SLC45A4: variants seen among roughly 807,000 people sequenced by gnomAD.
SLC45A4 encodes polyamine-transporter SLC45A4.
Under a neutral mutation model 63.7 loss-of-function variants are expected in SLC45A4, and 32 were observed. The ratio of observed to expected loss-of-function variants is 0.50; its 90% CI spans 0.38 to 0.67. SLC45A4 has a LOEUF of 0.67. Ranked by LOEUF, SLC45A4 falls within the 30% of genes least tolerant of loss-of-function variation. The pLI is 0.00. For missense variants in SLC45A4, 1,027 were observed against 1,157.7 expected (o/e 0.89, Z 1.64); for synonymous variants, 535 against 510.0 (o/e 1.05, Z -0.66).
At chr8:141,296,834 G>T (rs1830572231) in intron 1 of SLC45A4, among the ~76,000 whole-genome samples, 1 of 45,854 alleles carries the variant, frequency 2.2e-5, no homozygotes, top group Admixed American at 3.1e-4. Flanking sequence ...AGACTCCATT[G>T]CCAAAAAAAA....
chr8:141,282,934 G>C (rs1007941060), intron 1 of SLC45A4, among the ~76,000 whole-genome samples: 1 of 152,232 alleles, frequency 6.6e-6, no homozygotes, highest in African/African-American at 2.4e-5. Context: ...GCGGCCTCGT[G>C]CCTAGGCCAT....
At chr8:141,247,149 A>G (rs1037562203) in intron 2 of SLC45A4, among the ~76,000 whole-genome samples, 1 of 147,298 alleles carries the variant, frequency 6.8e-6, no homozygotes, top group Non-Finnish European at 1.5e-5. Context: ...CAAATTACCA[A>G]TATCAGGAAA....
At chr8:141,290,946 T>C (rs942449470) in intron 1 of SLC45A4, among the ~76,000 whole-genome samples, 3 of 152,234 alleles carry the variant, frequency 2.0e-5, no homozygotes, top group African/African-American at 7.2e-5. Context: ...CCTCCTGGGC[T>C]CAAGCGATTC....
chr8:141,276,948 G>A (rs893521447), intron 1 of SLC45A4, among the ~76,000 whole-genome samples: 1 of 152,106 alleles, frequency 6.6e-6, no homozygotes, highest in Admixed American at 6.5e-5. Context: ...ACGTCCCCCC[G>A]GCCTAAGCAC....
chr8:141,218,829 C>A lies in SLC45A4; in HGVS notation c.811G>T (p.Ala271Ser), dbSNP rs756143827. 1.9e-5 allele frequency: 31 copies of A among 1,613,090 alleles called. No individual in the cohort carries two copies. The East Asian group carries it at 6.7e-4, about 35-fold the overall frequency. The change falls in exon 5 of 9, where the codon GCC (alanine) becomes TCC (serine). Residue 271 changes from alanine (A) to serine (S), a missense_variant. By Grantham distance (99) the Ala-to-Ser change is moderately conservative (BLOSUM62 1). Transcript: ENST00000517878. ...CCGTGCGGCTCGCCCCCATCCAGGGCGCCGGGCTCCTCAGCGCTGCGCTCC... is the reference window on the plus strand; with the variant it reads ...CCGTGCGGCTCGCCCCCATCCAGGGAGCCGGGCTCCTCAGCGCTGCGCTCC... ...QQERSAEEPG[A>S]LDGGEPHGVP...
chr8:141,253,169 T>C (rs1828597917), intron 2 of SLC45A4: 1 of 123,218 alleles, frequency 8.1e-6, no homozygotes. Flanking sequence ...ATTTCCGTGT[T>C]TTCATGCCCA....
At chr8:141,282,588 T>C (rs1829995936) in intron 1 of SLC45A4, among the ~76,000 whole-genome samples, 2 of 152,258 alleles carry the variant, frequency 1.3e-5, no homozygotes, top group South Asian at 2.1e-4. Flanking sequence ...AGCTCGTGGA[T>C]GCGGTCCTCC....
In SLC45A4 at chr8:141,211,449, C is replaced by T; in HGVS notation, c.*123G>A. 6.3e-7 allele frequency: 1 copy of T among 1,584,972 alleles called. No individual in the cohort carries two copies. Among genetic ancestry groups the T allele is most frequent in the Non-Finnish European group, 8.6e-7 (1 of 1,165,614 alleles). The stretch of plus-strand genomic sequence containing the variant: ...GGGAGCCACCCCTGCAAATCACTGT[C>T]TTCTGCCCAGGCCCCCCGGACCAGC... On this transcript the variant is annotated 3_prime_UTR_variant, in exon 9 of 9. Transcript: ENST00000517878.
intron 1 of SLC45A4, among the ~76,000 whole-genome samples, chr8:141,279,030 G>A (rs1829839349): frequency 6.6e-6 from 1 of 152,224 alleles, no homozygotes; most frequent in Non-Finnish European, 1.5e-5. Flanking sequence ...GCTGGGCCTG[G>A]CTTCCACACC....
At chr8:141,277,037 C>T (rs1406636593) in intron 1 of SLC45A4, among the ~76,000 whole-genome samples, 5 of 152,254 alleles carry the variant, frequency 3.3e-5, no homozygotes, top group African/African-American at 1.2e-4. Flanking sequence ...CAAGGGAAGG[C>T]AGGCAGAGCC....
chr8:141,211,261 GC>G lies in SLC45A4; in HGVS notation c.*310del. On this transcript the variant is annotated 3_prime_UTR_variant, in exon 9 of 9. Transcript: ENST00000517878. ...CGTTTCCTTCCCCCTGACGTTGGGA[GC>G]GGTCTGGAGGGGCAACCTGGCCTCC... is the stretch of plus-strand genomic sequence containing the variant. 1 of 491,862 alleles carries G rather than the reference GC, an allele frequency of 2.0e-6. No homozygotes were observed. The allele number at this position is 491,862 out of a possible 1,614,324, so 30.5% of individuals were successfully genotyped here. A position where few individuals can be genotyped will look rare whatever the true frequency, so the allele number is the denominator to read the frequency against.
chr8:141,275,946 T>C (rs371965651), intron 1 of SLC45A4, among the ~76,000 whole-genome samples: 3 of 151,820 alleles, frequency 2.0e-5, no homozygotes, highest in African/African-American at 7.3e-5. Context: ...GGGGTCTTAC[T>C]GTGTCACCCA....
In SLC45A4 at chr8:141,256,986, T is replaced by C. The variant is rs1413510686; in HGVS notation, c.-400-2357A>G. ...CTCCCGCCTCAGCCTCCTGAGTAGC[T>C]GGGATTACAGGCACATGCCACCACG... On this transcript the variant is annotated intron_variant, in intron 1 of 8. Transcript: ENST00000517878. The surrounding 1 kb of genome is among the most constrained non-coding windows in gnomAD (Gnocchi z 4.3). Among the ~76,000 whole-genome samples the C allele has an allele frequency of 6.6e-6, 1 of 152,152 alleles. No homozygotes were observed. The highest frequency in any genetic ancestry group is 1.5e-5 in the Non-Finnish European group (1 of 68,034).
At chr8:141,261,459 T>C (rs1829034519) in intron 1 of SLC45A4, among the ~76,000 whole-genome samples, 1 of 152,114 alleles carries the variant, frequency 6.6e-6, no homozygotes, top group African/African-American at 2.4e-5. Context: ...GACATGATTG[T>C]ATATCTAGAA....
chr8:141,218,532 C>T lies in SLC45A4; in HGVS notation c.1108G>A (p.Asp370Asn), dbSNP rs569786400. 244 of 1,613,606 alleles carry T rather than the reference C, an allele frequency of 1.5e-4. 3 individuals carry two copies. The South Asian group carries it at 2.3e-3, about 15-fold the overall frequency. Reference sequence around the variant, plus strand: ...AAGTGATTATCCAGCAAGGTCTCGTCCTCCTTGGCGGCTTCCTTGAGGAAG... The same window carrying T: ...AAGTGATTATCCAGCAAGGTCTCGTTCTCCTTGGCGGCTTCCTTGAGGAAG... ...ATFLKEAAKE[D>N]ETLLDNHLNE... Residue 370 changes from aspartate (D) to asparagine (N), a missense_variant, in exon 5 of 9, where the codon GAC becomes AAC. Physicochemically the swap from Asp to Asn is conservative, Grantham distance 23. Coordinates refer to ENST00000517878, the MANE Select transcript of SLC45A4 (RefSeq NM_001286646.2).
chr8:141,279,196 CG>C (rs1255813953), intron 1 of SLC45A4, among the ~76,000 whole-genome samples: 3 of 152,196 alleles, frequency 2.0e-5, no homozygotes, highest in Non-Finnish European at 4.4e-5. Flanking sequence ...CCTGTGGCCT[CG>C]GGGCCCTGGC....
intron 1 of SLC45A4, among the ~76,000 whole-genome samples, chr8:141,267,080 G>A (rs1016345821): frequency 2.6e-5 from 4 of 152,260 alleles, no homozygotes; most frequent in Non-Finnish European, 5.9e-5. Flanking sequence ...CTGGCAGGAC[G>A]GGGCAGGTGA....
intron 1 of SLC45A4, among the ~76,000 whole-genome samples, chr8:141,307,348 G>C (rs948984412): frequency 1.3e-5 from 2 of 152,266 alleles, no homozygotes; most frequent in African/African-American, 2.4e-5. Flanking sequence ...TTTCCTCCAG[G>C]GACAAGGTCG....
chr8:141,245,853 T>C lies in SLC45A4; in HGVS notation c.241+8136A>G, dbSNP rs191260169. 8.5e-5 allele frequency among the ~76,000 whole-genome samples: 13 copies of C among 152,318 alleles called. No homozygotes were observed. In the East Asian group the frequency reaches 2.3e-3, roughly 27 times the overall value. Reference sequence around the variant, plus strand: ...TGCCTGGGCTAAGGATGGTGCAGGCTGAATTGCTTTAGGAAACTGCCATCA... The same window carrying C: ...TGCCTGGGCTAAGGATGGTGCAGGCCGAATTGCTTTAGGAAACTGCCATCA... On this transcript the variant is annotated intron_variant, in intron 2 of 8. Transcript: ENST00000517878.
Sources: allele counts gnomAD v4.1 joint callset (sites outside exome capture counted in the v4.1 genomes callset), GRCh38; gene constraint gnomAD v4.1.1; non-coding constraint Gnocchi (gnomAD v3.1); transcripts MANE v1.5; gene names NCBI Gene and HGNC (gene_info 2026-07-23, HGNC 2026-07-21).